Variants in FRYL observed in about 807,000 individuals in gnomAD.
FRYL encodes the protein protein furry homolog-like.
Under a neutral mutation model 351.2 loss-of-function variants are expected in FRYL, and 150 were observed. The observed-to-expected ratio is 0.43, with a 90% confidence interval of 0.37 to 0.49. FRYL has a LOEUF of 0.49. Ranked by LOEUF, FRYL falls within the 20% of genes least tolerant of loss-of-function variation. FRYL has a pLI of 0.00. For synonymous variants in FRYL, 1,153 were observed against 1,257.1 expected, an observed-to-expected ratio of 0.92 and a Z score of 1.75; for missense variants, 3,036 against 3,619.3, an observed-to-expected ratio of 0.84 and a Z score of 4.13.
chr4:48,712,325 A>T (rs1292994623), intron 1 of FRYL, among the ~76,000 whole-genome samples: 2 of 152,160 alleles, frequency 1.3e-5, no homozygotes, highest in African/African-American at 4.8e-5. Flanking sequence ...TTTGAAAAAA[A>T]TTTAGAGGAA....
chr4:48,731,484 T>C (rs1770717751), intron 1 of FRYL, among the ~76,000 whole-genome samples: 1 of 152,272 alleles, frequency 6.6e-6, no homozygotes, highest in Non-Finnish European at 1.5e-5. Context: ...AAGACAATCC[T>C]GGGCAAGAAG....
At chr4:48,736,341 G>A (rs1372995183) in intron 1 of FRYL, among the ~76,000 whole-genome samples, 5 of 151,774 alleles carry the variant, frequency 3.3e-5, no homozygotes, top group African/African-American at 1.2e-4. Context: ...CCAAAGTAAA[G>A]AGAAGAAAAA....
chr4:48,764,201 T>G (rs1774709685), intron 1 of FRYL, among the ~76,000 whole-genome samples: 1 of 151,710 alleles, frequency 6.6e-6, no homozygotes, highest in Admixed American at 6.6e-5. Flanking sequence ...TAAATTAAAT[T>G]CAGTTAAGTT....
intron 38 of FRYL, among the ~76,000 whole-genome samples, chr4:48,550,117 C>A (rs964516842): frequency 6.6e-6 from 1 of 152,178 alleles, no homozygotes; most frequent in African/African-American, 2.4e-5. Context: ...ACCTCAGTTC[C>A]ATCATGTGCA....
intron 1 of FRYL, among the ~76,000 whole-genome samples, chr4:48,749,852 G>A (rs904578441): frequency 4.6e-5 from 7 of 152,124 alleles, no homozygotes; most frequent in Non-Finnish European, 1.0e-4. Context: ...ACCTCCCTGG[G>A]CCAGGCACAG....
intron 7 of FRYL, chr4:48,618,114 A>C (rs1253600772): frequency 6.6e-6 from 1 of 152,176 alleles, no homozygotes; most frequent in Admixed American, 6.5e-5. Flanking sequence ...CAGTTAAACC[A>C]AGAGATCACA....
At position 48,501,725 on chromosome 4, in the gene FRYL, CTCCAAT is replaced by C; in HGVS notation, c.8484_8489del (p.Glu2830_Leu2831del). 6.4e-7 allele frequency: 1 copy of C among 1,571,626 alleles called. No individual in the cohort carries two copies. Among genetic ancestry groups the C allele is most frequent in the Non-Finnish European group, 8.7e-7 (1 of 1,143,078 alleles). Reference sequence around the variant, plus strand: ...GCAATTTGTATAATCTTCGGCAGAGCTCCAATTCCTAGAAATAAATAACATTACATT... The same window carrying C: ...GCAATTTGTATAATCTTCGGCAGAGCTCCTAGAAATAAATAACATTACATT... On this transcript the variant is annotated inframe_deletion and splice_region_variant, in exon 62 of 64. Coordinates refer to ENST00000358350, the MANE Select transcript of FRYL (RefSeq NM_015030.2).
chr4:48,612,829 T>C (rs1277284514), intron 7 of FRYL, among the ~76,000 whole-genome samples: 2 of 152,034 alleles, frequency 1.3e-5, no homozygotes, highest in African/African-American at 2.4e-5. Flanking sequence ...GACCTCGTGA[T>C]CCACTTGCCT....
intron 7 of FRYL, among the ~76,000 whole-genome samples, chr4:48,615,689 A>G (rs1420037143): frequency 8.5e-5 from 13 of 152,230 alleles, no homozygotes; most frequent in Admixed American, 8.5e-4. Flanking sequence ...GGTGAATCCC[A>G]CTACTTAATT....
At chr4:48,721,153 C>A (rs1365525733) in intron 1 of FRYL, among the ~76,000 whole-genome samples, 2 of 152,172 alleles carry the variant, frequency 1.3e-5, no homozygotes, top group African/African-American at 4.8e-5. Context: ...GAACTCATCA[C>A]TATCTAACAT....
intron 1 of FRYL, among the ~76,000 whole-genome samples, chr4:48,745,276 T>A (rs560033219): frequency 6.6e-6 from 1 of 152,302 alleles, no homozygotes; most frequent in South Asian, 2.1e-4. Flanking sequence ...GGATTATAAA[T>A]CATGCTGCTA....
intron 1 of FRYL, among the ~76,000 whole-genome samples, chr4:48,715,237 A>G (rs546821875): frequency 5.1e-4 from 77 of 150,990 alleles, no homozygotes; most frequent in African/African-American, 1.8e-3. Context: ...CTCTCTCACC[A>G]CTCCTATTCA....
At chr4:48,576,861 T>C (rs1192676866) in intron 23 of FRYL, among the ~76,000 whole-genome samples, 3 of 152,202 alleles carry the variant, frequency 2.0e-5, no homozygotes, top group Non-Finnish European at 2.9e-5. Context: ...GCATATTCTA[T>C]ATATCTTTAA....
chr4:48,561,692 T>C, intron 32 of FRYL, 56 bp from the exon 33 acceptor site: 1 of 1,334,122 alleles, frequency 7.5e-7, no homozygotes. Context: ...TCTCTAAAGT[T>C]TAACTATAAT....
At chr4:48,705,840 C>T (rs1166616278) in intron 2 of FRYL, among the ~76,000 whole-genome samples, 1 of 151,974 alleles carries the variant, frequency 6.6e-6, no homozygotes, top group African/African-American at 2.4e-5. Context: ...TCACTATTCA[C>T]CTCCTTTTTT....
chr4:48,729,417 C>T (rs1306833097), intron 1 of FRYL, among the ~76,000 whole-genome samples: 2 of 152,212 alleles, frequency 1.3e-5, no homozygotes, highest in Non-Finnish European at 2.9e-5. Flanking sequence ...GCTCTGATAA[C>T]GGACAGACTG....
intron 1 of FRYL, among the ~76,000 whole-genome samples, chr4:48,764,309 G>A (rs1168150434): frequency 6.6e-6 from 1 of 152,084 alleles, no homozygotes; most frequent in Non-Finnish European, 1.5e-5. Flanking sequence ...CAGGAGGACT[G>A]CTTGAGTCCA....
intron 2 of FRYL, among the ~76,000 whole-genome samples, chr4:48,686,664 T>C (rs1211198939): frequency 6.6e-6 from 1 of 152,236 alleles, no homozygotes; most frequent in Non-Finnish European, 1.5e-5. Flanking sequence ...GTTTTAGGAA[T>C]ACAGCAAAAA....
chr4:48,738,888 A>T (rs542786486), intron 1 of FRYL, among the ~76,000 whole-genome samples: 58 of 152,216 alleles, frequency 3.8e-4, no homozygotes, highest in Middle Eastern at 3.4e-3. Flanking sequence ...AATTTCAGGA[A>T]GTTATTCTGT....
Sources: allele counts gnomAD v4.1 joint callset (sites outside exome capture counted in the v4.1 genomes callset), GRCh38; gene constraint gnomAD v4.1.1; transcripts MANE v1.5; gene names NCBI Gene and HGNC (gene_info 2026-07-23, HGNC 2026-07-21).